ADAM28: variants seen among roughly 807,000 people sequenced by gnomAD.
The protein encoded by ADAM28 is disintegrin and metalloproteinase domain-containing protein 28.
In ADAM28, 105 loss-of-function variants were observed where a neutral mutation model predicts 101.2. The ratio of observed to expected loss-of-function variants is 1.04; its 90% CI spans 0.89 to 1.22. ADAM28 has a LOEUF of 1.22. Among genes scored for constraint, ADAM28 ranks in the 50% most tolerant of loss-of-function variants. ADAM28 has a pLI of 0.00. For missense variants in ADAM28, 1,028 were observed against 945.4 expected (o/e 1.09, Z -1.15); for synonymous variants, 322 against 310.6 (o/e 1.04, Z -0.39).
chr8:24,300,406 A>ATTTGTTT (rs1018722650), intron 2 of ADAM28, among the ~76,000 whole-genome samples: 2 of 151,982 alleles, frequency 1.3e-5, no homozygotes, highest in African/African-American at 2.4e-5. Flanking sequence ...AAAAGAGTAA[A>ATTTGTTT]TTTGTTTTTT....
intron 18 of ADAM28, among the ~76,000 whole-genome samples, chr8:24,347,965 C>T (rs1368147214): frequency 6.6e-6 from 1 of 151,976 alleles, no homozygotes; most frequent in African/African-American, 2.4e-5. Context: ...TAGTAGTACT[C>T]ACATCTTTGG....
chr8:24,309,451 C>T (rs1050703618), intron 2 of ADAM28, among the ~76,000 whole-genome samples: 2 of 152,178 alleles, frequency 1.3e-5, no homozygotes, highest in Non-Finnish European at 2.9e-5. Context: ...AACATTACTT[C>T]CTCAAAAAAG....
intron 6 of ADAM28, among the ~76,000 whole-genome samples, chr8:24,316,314 C>G (rs1324439345): frequency 6.6e-6 from 1 of 151,874 alleles, no homozygotes; most frequent in Non-Finnish European, 1.5e-5. Flanking sequence ...GGGCCTTCTA[C>G]TGAAATTCAT....
At chr8:24,309,810 C>A in intron 2 of ADAM28, 84 bp from the exon 3 acceptor site, 1 of 1,033,362 alleles carries the variant, frequency 9.7e-7, no homozygotes, top group Non-Finnish European at 1.5e-6. Flanking sequence ...ATAGATATTG[C>A]TTGCTAATGA....
chr8:24,312,911 TTAGG>T (rs1810665604), intron 5 of ADAM28, among the ~76,000 whole-genome samples: 1 of 152,028 alleles, frequency 6.6e-6, no homozygotes, highest in African/African-American at 2.4e-5. Flanking sequence ...TATCACTATA[TTAGG>T]TAGGTATTAA....
Position 24,326,642 on chromosome 8 carries a change from A to G in ADAM28, c.972+7A>G, listed in dbSNP as rs370147717. ...TTCTGTTGGCGTTGTTCAGGTCTGTATGATGATAAACTGTTGGTTCTATGA... is the reference window on the plus strand; with the variant it reads ...TTCTGTTGGCGTTGTTCAGGTCTGTGTGATGATAAACTGTTGGTTCTATGA... On this transcript the variant is annotated splice_region_variant and intron_variant, in intron 10 of 22. Coordinates refer to ENST00000265769, the MANE Select transcript of ADAM28 (RefSeq NM_014265.6). The G allele has an allele frequency of 1.9e-6, 3 of 1,608,110 alleles. No homozygotes were observed. Among genetic ancestry groups the G allele is most frequent in the Middle Eastern group, 3.3e-4 (2 of 6,036 alleles).
chr8:24,335,119 C>T (rs1416632697), intron 13 of ADAM28, among the ~76,000 whole-genome samples: 1 of 151,640 alleles, frequency 6.6e-6, no homozygotes, highest in African/African-American at 2.4e-5. Flanking sequence ...GAGATGCATC[C>T]AACAAAAGGA....
intron 6 of ADAM28, among the ~76,000 whole-genome samples, chr8:24,317,014 G>A (rs530153804): frequency 6.6e-6 from 1 of 151,908 alleles, no homozygotes; most frequent in East Asian, 1.9e-4. Flanking sequence ...TGAAAGACCT[G>A]TATACCGAAG....
intron 6 of ADAM28, among the ~76,000 whole-genome samples, chr8:24,313,909 C>T (rs1394482524): frequency 6.6e-6 from 1 of 151,996 alleles, no homozygotes; most frequent in Non-Finnish European, 1.5e-5. Context: ...AGGCATGTGC[C>T]ACCATGCCCA....
chr8:24,312,216 A>G (rs189308241), intron 5 of ADAM28, among the ~76,000 whole-genome samples: 1 of 152,110 alleles, frequency 6.6e-6, no homozygotes, highest in Non-Finnish European at 1.5e-5. Flanking sequence ...TCATATTTTC[A>G]GTTGGATATC....
intron 10 of ADAM28, among the ~76,000 whole-genome samples, chr8:24,327,928 TATTA>T (rs1431548774): frequency 6.6e-6 from 1 of 152,116 alleles, no homozygotes; most frequent in Non-Finnish European, 1.5e-5. Flanking sequence ...AATACATTGT[TATTA>T]ATTTTGTTTT....
rs10654023 is a variant in ADAM28 at position 24,305,451 on chromosome 8, C to CTTTTT, written c.151-4421_151-4417dup. ...GTCCAGGTAAATTTTTAAGAGGTTT[C>CTTTTT]TTTTTTTTTTTTTTTTTTTTTTTTT... is the stretch of plus-strand genomic sequence containing the variant. On this transcript the variant is annotated intron_variant, in intron 2 of 22. Transcript: ENST00000265769. Among the ~76,000 whole-genome samples, 196 of 65,448 alleles carry CTTTTT rather than the reference C, an allele frequency of 3.0e-3. 9 individuals carry two copies. Among genetic ancestry groups the CTTTTT allele is most frequent in the South Asian group, 7.2e-3 (12 of 1,670 alleles). The allele number at this position is 65,448 out of a possible 152,430, so 42.9% of individuals were successfully genotyped here.
Position 24,309,973 on chromosome 8 carries a change from A to G in ADAM28, c.227+3A>G, listed in dbSNP as rs745960232. ...GTGCTTTATTTGAAAAAAAACAAGTAAGTATCTTTACCTGTGATATTATCC... is the reference window on the plus strand; with the variant it reads ...GTGCTTTATTTGAAAAAAAACAAGTGAGTATCTTTACCTGTGATATTATCC... On this transcript the variant is annotated splice_donor_region_variant and intron_variant, in intron 3 of 22. Coordinates refer to ENST00000265769, the MANE Select transcript of ADAM28 (RefSeq NM_014265.6). The G allele has an allele frequency of 4.5e-6, 7 of 1,554,512 alleles. No individual in the cohort carries two copies. Among genetic ancestry groups the G allele is most frequent in the South Asian group, 1.1e-5 (1 of 89,140 alleles).
chr8:24,309,621 T>G (rs571647481), intron 2 of ADAM28, among the ~76,000 whole-genome samples: 3 of 152,240 alleles, frequency 2.0e-5, no homozygotes, highest in African/African-American at 7.2e-5. Flanking sequence ...AAGCAGTATC[T>G]TGCAAAGAAA....
chr8:24,295,517 A>G (rs1471734520), intron 1 of ADAM28, among the ~76,000 whole-genome samples: 3 of 152,174 alleles, frequency 2.0e-5, no homozygotes, highest in Admixed American at 1.3e-4. Flanking sequence ...GAGCTTTTCC[A>G]GAACCCCCTC....
chr8:24,320,480 T>A (rs537488981), intron 7 of ADAM28, among the ~76,000 whole-genome samples, 173 bp downstream of exon 7: 1 of 152,126 alleles, frequency 6.6e-6, no homozygotes, highest in East Asian at 1.9e-4. Context: ...CTGATATGAC[T>A]TCTTTTCAGA....
In ADAM28 at chr8:24,338,834, G is replaced by A. The variant is rs192291758; in HGVS notation, c.1568-632G>A. On this transcript the variant is annotated intron_variant, in intron 14 of 22. Transcript: ENST00000265769. The stretch of plus-strand genomic sequence containing the variant: ...GATTCTGTTTCCTTATTAATAAATT[G>A]AGAATGGCAATAAGAATGGCTAGTA... Among the ~76,000 whole-genome samples the A allele has an allele frequency of 5.5e-4, 84 of 152,144 alleles. 1 individual carries two copies. In the East Asian group the frequency reaches 0.013, roughly 23 times the overall value.
At chr8:24,312,746 C>G (rs1563279169) in intron 5 of ADAM28, among the ~76,000 whole-genome samples, 1 of 151,988 alleles carries the variant, frequency 6.6e-6, no homozygotes, top group Non-Finnish European at 1.5e-5. Flanking sequence ...TTTATTTTTG[C>G]TGTCTACCCT....
At chr8:24,321,164 C>G in intron 7 of ADAM28, 54 bp from the exon 8 acceptor site, 1 of 1,133,436 alleles carries the variant, frequency 8.8e-7, no homozygotes, top group Non-Finnish European at 1.3e-6. Flanking sequence ...TTTTAACCTT[C>G]CAAGTATATT....
Sources: allele counts gnomAD v4.1 joint callset (sites outside exome capture counted in the v4.1 genomes callset), GRCh38; gene constraint gnomAD v4.1.1; transcripts MANE v1.5; gene names NCBI Gene and HGNC (gene_info 2026-07-23, HGNC 2026-07-21).